The following NEK11 variants were observed in gnomAD, a reference collection of about 807,000 sequenced individuals.
The protein encoded by NEK11 is NIMA related kinase 11.
Under a neutral mutation model 80.7 loss-of-function variants are expected in NEK11, and 72 were observed. The ratio of observed to expected loss-of-function variants is 0.89; its 90% CI spans 0.74 to 1.08. The LOEUF (loss-of-function observed/expected upper bound fraction) is 1.08. Ranked by LOEUF, NEK11 falls within the 50% of genes least tolerant of loss-of-function variation. The probability of loss-of-function intolerance (pLI) is 0.00; values close to 1 mark genes in which losing one functional copy is unlikely to be tolerated. For synonymous variants in NEK11, 251 were observed against 260.7 expected (o/e 0.96, Z 0.36); for missense variants, 764 against 763.6 (o/e 1.00, Z -0.01).
chr3:131,075,910 C>T (rs1052403231), intron 3 of NEK11, among the ~76,000 whole-genome samples: 1 of 152,132 alleles, frequency 6.6e-6, no homozygotes, highest in Non-Finnish European at 1.5e-5. Flanking sequence ...GGGGAGCAGG[C>T]TAGAGGGCAG....
Position 131,080,039 on chromosome 3 carries a change from TTGTGTG to T in NEK11, c.171-362_171-357del, listed in dbSNP as rs34144326. ...TACATATATATATGTGTGTGTGTGT[TTGTGTG>T]TGTGTGTGTGTGTGTGTGTGTATGA... is the stretch of plus-strand genomic sequence containing the variant. On this transcript the variant is annotated intron_variant, in intron 3 of 17. Transcript: ENST00000383366. Among the ~76,000 whole-genome samples the T allele has an allele frequency of 5.8e-3, 865 of 148,954 alleles. 12 individuals carry two copies. Among genetic ancestry groups the T allele is most frequent in the African/African-American group, 0.02 (832 of 40,610 alleles).
chr3:131,256,655 G>T (rs775529649), intron 16 of NEK11, among the ~76,000 whole-genome samples: 13 of 152,128 alleles, frequency 8.5e-5, no homozygotes, highest in Non-Finnish European at 1.8e-4. Flanking sequence ...CATAGTTGCT[G>T]TAGGTCATGA....
chr3:131,232,108 G>A (rs1441637389), intron 15 of NEK11, among the ~76,000 whole-genome samples: 5 of 152,076 alleles, frequency 3.3e-5, no homozygotes, highest in African/African-American at 4.8e-5. Context: ...GATAAGCACA[G>A]CATCAATAAA....
chr3:131,248,714 G>A (rs1439269210), intron 16 of NEK11, among the ~76,000 whole-genome samples: 1 of 151,952 alleles, frequency 6.6e-6, no homozygotes, highest in Non-Finnish European at 1.5e-5. Context: ...CTCTTCACTG[G>A]GATCTTTCCT....
At chr3:131,328,094 G>A (rs912262087) in intron 17 of NEK11, among the ~76,000 whole-genome samples, 1 of 151,916 alleles carries the variant, frequency 6.6e-6, no homozygotes, top group Non-Finnish European at 1.5e-5. Flanking sequence ...GACCAGCCTG[G>A]GAAACATAGC....
chr3:131,173,532 A>C (rs1199373510), intron 14 of NEK11, among the ~76,000 whole-genome samples: 1 of 151,038 alleles, frequency 6.6e-6, no homozygotes, highest in Non-Finnish European at 1.5e-5. Context: ...GGTTTGCTTA[A>C]GGACCACAGA....
intron 7 of NEK11, among the ~76,000 whole-genome samples, chr3:131,148,115 G>C (rs910959174): frequency 6.6e-6 from 1 of 151,650 alleles, no homozygotes; most frequent in Non-Finnish European, 1.5e-5. Context: ...TTTTGCATCA[G>C]TTGAGATGGT....
chr3:131,128,604 G>A (rs2083792793), intron 5 of NEK11, among the ~76,000 whole-genome samples: 1 of 152,200 alleles, frequency 6.6e-6, no homozygotes, highest in Non-Finnish European at 1.5e-5. Context: ...TATGAATAAA[G>A]CTGCTATAAA....
intron 14 of NEK11, 180 bp downstream of exon 14, chr3:131,171,067 G>A (rs546224116): frequency 4.8e-6 from 3 of 620,400 alleles, no homozygotes; most frequent in East Asian, 5.4e-5. Flanking sequence ...GGATTTTTCT[G>A]TCCTCTCTAT....
At chr3:131,165,324 C>A in intron 11 of NEK11, 102 bp from the exon 12 acceptor site, 1 of 726,716 alleles carries the variant, frequency 1.4e-6, no homozygotes, top group African/African-American at 1.8e-5. Context: ...CTTTCTAATC[C>A]CCCAGTCAGT....
intron 5 of NEK11, among the ~76,000 whole-genome samples, chr3:131,115,986 C>CTTTCTTTCTTTCT (rs1404285482): frequency 1.2e-5 from 1 of 80,894 alleles, no homozygotes. Context: ...TTCTTTCTTT[C>CTTTCTTTCTTTCT]TTTATTATAC....
intron 17 of NEK11, among the ~76,000 whole-genome samples, chr3:131,334,533 C>T (rs1322207383): frequency 6.6e-6 from 1 of 150,962 alleles, no homozygotes; most frequent in Non-Finnish European, 1.5e-5. Flanking sequence ...CCAAAATTGA[C>T]ACCCTAACAT....
At chr3:131,206,581 A>C (rs1032217297) in intron 14 of NEK11, among the ~76,000 whole-genome samples, 1 of 152,192 alleles carries the variant, frequency 6.6e-6, no homozygotes, top group Non-Finnish European at 1.5e-5. Context: ...CACAAGCAAA[A>C]ATTAAAGTAA....
intron 14 of NEK11, among the ~76,000 whole-genome samples, chr3:131,184,315 A>C (rs1202069930): frequency 6.6e-6 from 1 of 152,186 alleles, no homozygotes; most frequent in Admixed American, 6.5e-5. Flanking sequence ...GAAATGCAGA[A>C]TCTCGGACTC....
intron 3 of NEK11, among the ~76,000 whole-genome samples, chr3:131,038,049 A>G (rs1345747892): frequency 1.3e-5 from 2 of 150,624 alleles, no homozygotes; most frequent in African/African-American, 4.9e-5. Context: ...CTCAAAACAC[A>G]GTTTCTTTCA....
chr3:131,118,593 A>G (rs1039851752), intron 5 of NEK11, among the ~76,000 whole-genome samples: 7 of 152,168 alleles, frequency 4.6e-5, no homozygotes, highest in Non-Finnish European at 7.4e-5. Flanking sequence ...CTGTGAATCC[A>G]TCTGGTCCTG....
chr3:131,257,715 A>G (rs894593860), intron 16 of NEK11, among the ~76,000 whole-genome samples: 1 of 152,196 alleles, frequency 6.6e-6, no homozygotes, highest in African/African-American at 2.4e-5. Context: ...GTGAGAACGC[A>G]TCCTGGTGGT....
At chr3:131,144,934 ATTGATTACTAAG>A (rs2087820496) in intron 7 of NEK11, among the ~76,000 whole-genome samples, 1 of 152,166 alleles carries the variant, frequency 6.6e-6, no homozygotes, top group African/African-American at 2.4e-5. Flanking sequence ...ATGAGAATTA[ATTGATTACTAAG>A]TTAGGCTATG....
chr3:131,210,648 TG>T (rs1402506077), intron 14 of NEK11, among the ~76,000 whole-genome samples: 1 of 152,238 alleles, frequency 6.6e-6, no homozygotes, highest in African/African-American at 2.4e-5. Context: ...TTTATTAATC[TG>T]GGTTCTCCTG....
Sources: gnomAD v4.1 joint callset for allele counts (sites outside exome capture counted in the v4.1 genomes callset) on GRCh38, gnomAD v4.1.1 for gene constraint, MANE v1.5 for transcripts, NCBI Gene and HGNC (gene_info 2026-07-23, HGNC 2026-07-21) for gene names.